The following GLIS3 variants were observed in gnomAD, a reference collection of about 807,000 sequenced individuals.
The protein encoded by GLIS3 is zinc finger protein GLIS3.
GLIS3 carries 53 observed loss-of-function variants against 78.6 expected under a neutral mutation model. That is an observed-to-expected ratio of 0.67 (90% CI 0.54 to 0.85). GLIS3 has a LOEUF of 0.85. GLIS3 is among the 40% of genes least tolerant of loss of function. The pLI, the probability that GLIS3 is intolerant of heterozygous loss-of-function variation, is 0.00. For synonymous variants in GLIS3, 684 were observed against 509.9 expected, an observed-to-expected ratio of 1.34 and a Z score of -4.60; for missense variants, 1,703 against 1,231.1, an observed-to-expected ratio of 1.38 and a Z score of -5.74.
At chr9:4,477,531 C>T in the GLIS3 span, among the ~76,000 whole-genome samples, 3 of 152,160 alleles carry the variant, frequency 2.0e-5, no homozygotes, top group East Asian at 1.9e-4. Flanking sequence ...CCTCCCCCCT[C>T]GGTCTCTGGA....
chr9:4,034,074 A>T (rs1824108854), intron 4 of GLIS3, among the ~76,000 whole-genome samples: 1 of 151,874 alleles, frequency 6.6e-6, no homozygotes, highest in African/African-American at 2.4e-5. Context: ...AAAAAAAGTT[A>T]AAAAATTGGC....
At chr9:4,261,341 G>C (rs1825507207) in intron 2 of GLIS3, among the ~76,000 whole-genome samples, 1 of 152,246 alleles carries the variant, frequency 6.6e-6, no homozygotes, top group Admixed American at 6.5e-5. Context: ...TGGAAGCAAA[G>C]AGAAGAGAAA....
chr9:4,267,517 TA>T (rs1375605027), intron 2 of GLIS3, among the ~76,000 whole-genome samples: 2 of 152,226 alleles, frequency 1.3e-5, no homozygotes, highest in Non-Finnish European at 2.9e-5. Context: ...AATATCTGAA[TA>T]AAACAAGTCT....
the GLIS3 span, among the ~76,000 whole-genome samples, chr9:4,389,117 C>CA: frequency 6.6e-6 from 1 of 152,198 alleles, no homozygotes; most frequent in African/African-American, 2.4e-5. Flanking sequence ...CTCTGAGCTG[C>CA]ATGTTTGATG....
intron 2 of GLIS3, among the ~76,000 whole-genome samples, chr9:4,268,276 T>C (rs898260137): frequency 1.4e-4 from 21 of 152,210 alleles, no homozygotes; most frequent in Admixed American, 8.5e-4. Flanking sequence ...ACTGGGTTTT[T>C]GACAGCTTAA....
Position 3,828,842 on chromosome 9 carries a change from A to G in GLIS3, c.2657-434T>C, listed in dbSNP as rs566423503. Among the ~76,000 whole-genome samples the G allele has an allele frequency of 1.1e-3, 172 of 152,320 alleles. 1 individual carries two copies. The highest frequency in any genetic ancestry group is 3.8e-3 in the African/African-American group (158 of 41,570). ...GGCAAAGCTCAGGTGAAGAGCATGT[A>G]GGGAAAAATATGTGTGGGCAGGTGT... On this transcript the variant is annotated intron_variant, in intron 10 of 10. Coordinates refer to ENST00000381971, the MANE Select transcript of GLIS3 (RefSeq NM_001042413.2).
At chr9:4,420,324 C>A in the GLIS3 span, among the ~76,000 whole-genome samples, 3 of 152,162 alleles carry the variant, frequency 2.0e-5, no homozygotes, top group Non-Finnish European at 4.4e-5. Flanking sequence ...TCTTCCATCA[C>A]TGAAGCCATA....
chr9:4,456,655 T>C, the GLIS3 span, among the ~76,000 whole-genome samples: 1 of 152,216 alleles, frequency 6.6e-6, no homozygotes, highest in African/African-American at 2.4e-5. Context: ...ATTAATCTTT[T>C]CCAGCTTTTA....
At position 4,292,118 on chromosome 9, in the gene GLIS3, A is replaced by C. The variant is rs533700083; in HGVS notation, c.-98-5595T>G. ...TCAGAAAGTACCATGCCTTGGGCCC[A>C]CAGGCTGTAAGTTCCTACATCTACA... On this transcript the variant is annotated intron_variant, in intron 1 of 10. Coordinates refer to ENST00000381971, the MANE Select transcript of GLIS3 (RefSeq NM_001042413.2). 2.6e-5 allele frequency among the ~76,000 whole-genome samples: 4 copies of C among 152,306 alleles called. No homozygotes were observed. The East Asian group carries it at 7.7e-4, about 29-fold the overall frequency.
chr9:4,376,133 G>C, the GLIS3 span, among the ~76,000 whole-genome samples: 2 of 152,168 alleles, frequency 1.3e-5, no homozygotes, highest in African/African-American at 4.8e-5. Context: ...AAAAGTTGGG[G>C]TGGGGTTTGG....
the GLIS3 span, among the ~76,000 whole-genome samples, chr9:4,447,900 T>C: frequency 6.6e-6 from 1 of 152,194 alleles, no homozygotes; most frequent in African/African-American, 2.4e-5. Flanking sequence ...TTTGTTTCTG[T>C]CCTTTTTAAA....
At chr9:4,223,038 A>G (rs1340054456) in intron 2 of GLIS3, among the ~76,000 whole-genome samples, 7 of 152,168 alleles carry the variant, frequency 4.6e-5, no homozygotes, top group Admixed American at 4.6e-4. Context: ...TCCAAGAAAG[A>G]GAAAGATCAC....
At position 4,054,439 on chromosome 9, in the gene GLIS3, A is replaced by C. The variant is rs764538181; in HGVS notation, c.1710+63329T>G. On this transcript the variant is annotated intron_variant, in intron 4 of 10. Transcript: ENST00000381971. ...GGTTGGTTACAAACACTTTGGCGAGAGTCACAGGAGGATGTGCTCTGGAGT... is the reference window on the plus strand; with the variant it reads ...GGTTGGTTACAAACACTTTGGCGAGCGTCACAGGAGGATGTGCTCTGGAGT... The C allele has an allele frequency of 1.6e-4, 156 of 985,294 alleles. 1 individual carries two copies. The highest frequency in any genetic ancestry group is 1.9e-4 in the Non-Finnish European group (155 of 829,920). The allele number at this position is 985,294 out of a possible 1,614,324, so 61.0% of individuals were successfully genotyped here.
the GLIS3 span, among the ~76,000 whole-genome samples, chr9:4,433,542 C>A: frequency 6.6e-6 from 1 of 152,146 alleles, no homozygotes; most frequent in African/African-American, 2.4e-5. Flanking sequence ...AAGGGTGTAC[C>A]ATGATAAAAT....
At chr9:4,298,761 T>TTA (rs1816840648) in intron 1 of GLIS3, among the ~76,000 whole-genome samples, 3 of 150,498 alleles carry the variant, frequency 2.0e-5, no homozygotes, top group South Asian at 4.2e-4. Flanking sequence ...GCGTGGGAGG[T>TTA]TATAGTTCCA....
In GLIS3 at chr9:4,086,949, C is replaced by T. The variant is rs34122785; in HGVS notation, c.1710+30819G>A. 1.9e-4 allele frequency among the ~76,000 whole-genome samples: 29 copies of T among 152,218 alleles called. No homozygotes were observed. The South Asian group carries it at 4.8e-3, about 25-fold the overall frequency. On this transcript the variant is annotated intron_variant, in intron 4 of 10. Coordinates refer to ENST00000381971, the MANE Select transcript of GLIS3 (RefSeq NM_001042413.2). ...CCACATTGGACCTTGAACCCGTAGA[C>T]GGCAGAGGCTCCCTACTCTTCACCT... is the stretch of plus-strand genomic sequence containing the variant.
At chr9:4,290,822 GAAA>G (rs970136164) in intron 1 of GLIS3, among the ~76,000 whole-genome samples, 15 of 152,096 alleles carry the variant, frequency 9.9e-5, no homozygotes, top group African/African-American at 3.6e-4. Flanking sequence ...TTAACCAGAG[GAAA>G]GTGCAAACAT....
intron 2 of GLIS3, among the ~76,000 whole-genome samples, chr9:4,172,871 T>C (rs1001819425): frequency 1.3e-5 from 2 of 152,152 alleles, no homozygotes; most frequent in African/African-American, 4.8e-5. Context: ...CAGATGGAAA[T>C]ACTGCAGGCT....
rs375433914 is a variant in GLIS3 at position 3,988,987 on chromosome 9, A to T, written c.1711-51798T>A. ...ATGAAAATACAGAGAGACTGGGGAA[A>T]ACATTTGCAAACCACATATCCAACT... is the stretch of plus-strand genomic sequence containing the variant. On this transcript the variant is annotated intron_variant, in intron 4 of 10. Transcript: ENST00000381971. Among the ~76,000 whole-genome samples, 13 of 152,282 alleles carry T rather than the reference A, an allele frequency of 8.5e-5. No homozygotes were observed. In the East Asian group the frequency reaches 1.3e-3, roughly 16 times the overall value.
Sources: allele counts gnomAD v4.1 joint callset (sites outside exome capture counted in the v4.1 genomes callset), GRCh38; gene constraint gnomAD v4.1.1; transcripts MANE v1.5; gene names NCBI Gene and HGNC (gene_info 2026-07-23, HGNC 2026-07-21).